The following RNF216 variants were observed in gnomAD, a reference collection of about 807,000 sequenced individuals.
RNF216 encodes the protein E3 ubiquitin-protein ligase RNF216.
Under a neutral mutation model 110.8 loss-of-function variants are expected in RNF216, and 72 were observed. That is an observed-to-expected ratio of 0.65 (90% CI 0.54 to 0.79). RNF216 has a LOEUF of 0.79. RNF216 is among the 30% of genes least tolerant of loss of function. RNF216 has a pLI of 0.00. For missense variants in RNF216, 1,342 were observed against 1,141.2 expected (o/e 1.18, Z -2.54); for synonymous variants, 495 against 407.5 (o/e 1.21, Z -2.59).
intron 13 of RNF216, among the ~76,000 whole-genome samples, chr7:5,684,365 C>A (rs1015782431): frequency 6.0e-4 from 91 of 151,662 alleles, no homozygotes; most frequent in African/African-American, 2.2e-3. Flanking sequence ...CCTTGGCCTC[C>A]CAAAGTCCTG....
At position 5,760,939 on chromosome 7, in the gene RNF216, T is replaced by C. The variant is rs1260506893; in HGVS notation, c.67+64A>G. ...TACAAAATAGGTTCATTTCAAAAGA[T>C]ACAGCTGTGATACTAAAAGAAAAAG... On this transcript the variant is annotated intron_variant, in intron 2 of 16. Coordinates refer to ENST00000389902, the MANE Select transcript of RNF216 (RefSeq NM_207111.4). 35 of 1,270,422 alleles carry C rather than the reference T, an allele frequency of 2.8e-5. 1 individual carries two copies. The highest frequency in any genetic ancestry group is 3.4e-5 in the Non-Finnish European group (30 of 892,386). 78.7% of individuals were successfully genotyped at this position (1,270,422 alleles called of 1,614,324 possible).
chr7:5,753,145 T>C (rs73048704), intron 2 of RNF216, among the ~76,000 whole-genome samples, 166 bp from the exon 3 acceptor site: 20 of 152,232 alleles, frequency 1.3e-4, no homozygotes, highest in Non-Finnish European at 2.1e-4. Flanking sequence ...CATGTTTCTA[T>C]GCTGACTTTT....
intron 13 of RNF216, among the ~76,000 whole-genome samples, chr7:5,700,628 C>T (rs1287793971): frequency 6.6e-6 from 1 of 152,126 alleles, no homozygotes; most frequent in Non-Finnish European, 1.5e-5. Context: ...CAAAAAGAGC[C>T]ACTAAATTTT....
At chr7:5,776,916 AAGAGAGAGAGAAAAAGAG>A (rs1445902076) in intron 1 of RNF216, among the ~76,000 whole-genome samples, 3 of 147,416 alleles carry the variant, frequency 2.0e-5, no homozygotes, top group Non-Finnish European at 4.5e-5. Context: ...AAAAAAAAAA[AAGAGAGAGAGAAAAAGAG>A]AGAGAGAGAG....
At position 5,770,864 on chromosome 7, in the gene RNF216, G is replaced by C. The variant is rs563848128; in HGVS notation, c.-69-9726C>G. 3.8e-4 allele frequency among the ~76,000 whole-genome samples: 58 copies of C among 151,854 alleles called. No homozygotes were observed. The South Asian group carries it at 4.0e-3, about 10-fold the overall frequency. Reference sequence around the variant, plus strand: ...GCTCTGTCGCCCAGGCCGGAGTGCAGTGGTGTGATCTCGGCTCACTGCAAC... The same window carrying C: ...GCTCTGTCGCCCAGGCCGGAGTGCACTGGTGTGATCTCGGCTCACTGCAAC... On this transcript the variant is annotated intron_variant, in intron 1 of 16. Coordinates refer to ENST00000389902, the MANE Select transcript of RNF216 (RefSeq NM_207111.4).
rs1199515668 is a variant in RNF216 at position 5,722,800 on chromosome 7, T to C, written c.1505-1628A>G. Among the ~76,000 whole-genome samples the C allele has an allele frequency of 2.6e-5, 4 of 151,844 alleles. No individual in the cohort carries two copies. In the East Asian group the frequency reaches 7.8e-4, roughly 30 times the overall value. ...ACTTTGGGAGGCCAAGGAGGGCACA[T>C]CATCTAAGGTTAGGAGTTCGAGACC... On this transcript the variant is annotated intron_variant, in intron 8 of 16. Transcript: ENST00000389902.
chr7:5,763,757 G>C (rs907270911), intron 1 of RNF216, among the ~76,000 whole-genome samples: 9 of 152,046 alleles, frequency 5.9e-5, no homozygotes, highest in Non-Finnish European at 1.2e-4. Context: ...TTTTTTTGTA[G>C]AGACAGGGTC....
At chr7:5,703,442 T>C (rs1359725865) in intron 13 of RNF216, among the ~76,000 whole-genome samples, 2 of 152,242 alleles carry the variant, frequency 1.3e-5, no homozygotes, top group Non-Finnish European at 2.9e-5. Context: ...CTCATTTACA[T>C]TCTCTTCACG....
intron 2 of RNF216, among the ~76,000 whole-genome samples, chr7:5,753,965 A>C (rs1488378049): frequency 6.6e-5 from 10 of 152,166 alleles, no homozygotes; most frequent in Admixed American, 5.9e-4. Context: ...ACTGCACTCT[A>C]GCCTGGGTGA....
At chr7:5,677,781 G>A (rs1446762982) in intron 13 of RNF216, among the ~76,000 whole-genome samples, 1 of 152,192 alleles carries the variant, frequency 6.6e-6, no homozygotes, top group Non-Finnish European at 1.5e-5. Context: ...TGCCCAAGGG[G>A]AAGGGTTGTC....
intron 1 of RNF216, among the ~76,000 whole-genome samples, chr7:5,768,679 T>G (rs13231407): frequency 1.3e-4 from 20 of 151,234 alleles, no homozygotes; most frequent in African/African-American, 1.7e-4. Flanking sequence ...TTTTTTTTTT[T>G]GGGACAGAGT....
intron 1 of RNF216, among the ~76,000 whole-genome samples, chr7:5,773,738 T>C (rs1476414276): frequency 6.6e-6 from 1 of 152,044 alleles, no homozygotes; most frequent in Non-Finnish European, 1.5e-5. Flanking sequence ...TGGTTAATTT[T>C]TGTATTTTTA....
At chr7:5,623,937 G>A (rs1786549166) in intron 16 of RNF216, 119 bp downstream of exon 16, 3 of 814,044 alleles carry the variant, frequency 3.7e-6, no homozygotes, top group Admixed American at 5.3e-5. Flanking sequence ...AGCCACCTGA[G>A]GGACAGCACC....
intron 5 of RNF216, among the ~76,000 whole-genome samples, chr7:5,736,026 G>C (rs188724546): frequency 6.6e-6 from 1 of 152,312 alleles, no homozygotes; most frequent in Admixed American, 6.5e-5. Context: ...CTGGGAGATG[G>C]AGGCTGCAGT....
At chr7:5,688,360 G>A (rs917144215) in intron 13 of RNF216, among the ~76,000 whole-genome samples, 4 of 152,108 alleles carry the variant, frequency 2.6e-5, no homozygotes, top group Non-Finnish European at 5.9e-5. Flanking sequence ...CAGACAAACC[G>A]CATGTCAAAG....
At chr7:5,695,766 A>G (rs986381805) in intron 13 of RNF216, among the ~76,000 whole-genome samples, 1 of 152,148 alleles carries the variant, frequency 6.6e-6, no homozygotes, top group Non-Finnish European at 1.5e-5. Flanking sequence ...CCCTGGTCAA[A>G]CTGTTCCCTT....
intron 16 of RNF216, among the ~76,000 whole-genome samples, chr7:5,623,817 C>G (rs1786540451): frequency 6.6e-6 from 1 of 152,088 alleles, no homozygotes; most frequent in East Asian, 1.9e-4. Flanking sequence ...GAGCTCAAAC[C>G]CACCCCTTGG....
chr7:5,773,846 C>T (rs1796632446), intron 1 of RNF216, among the ~76,000 whole-genome samples: 1 of 152,144 alleles, frequency 6.6e-6, no homozygotes, highest in Admixed American at 6.5e-5. Flanking sequence ...GGATAACAGG[C>T]GAGTCACCGT....
intron 8 of RNF216, among the ~76,000 whole-genome samples, chr7:5,723,518 G>A (rs142745235): frequency 0.023 from 3,511 of 151,902 alleles, 127 homozygotes; most frequent in African/African-American, 0.08. Context: ...TCGGTGGCGG[G>A]CACCTGTAGT....
Sources: allele counts gnomAD v4.1 joint callset (sites outside exome capture counted in the v4.1 genomes callset), GRCh38; gene constraint gnomAD v4.1.1; transcripts MANE v1.5; gene names NCBI Gene and HGNC (gene_info 2026-07-23, HGNC 2026-07-21).